ZNF141: variants seen among roughly 807,000 people sequenced by gnomAD.
ZNF141 encodes the protein zinc finger protein 141, also known as zinc finger protein 141 (clone pHZ-44).
ZNF141 carries 7 observed loss-of-function variants against 11.3 expected under a neutral mutation model. The ratio of observed to expected loss-of-function variants is 0.62; its 90% confidence interval spans 0.35 to 1.16. The LOEUF is 1.16. Among genes scored for constraint, ZNF141 ranks in the 50% most tolerant of loss-of-function variants. The probability of loss-of-function intolerance (pLI) is 0.02; values close to 1 mark genes in which losing one functional copy is unlikely to be tolerated. For missense variants in ZNF141, 535 were observed against 554.0 expected, an observed-to-expected ratio of 0.97 and a Z score of 0.34; for synonymous variants, 183 against 190.7, an observed-to-expected ratio of 0.96 and a Z score of 0.33.
At chr4:347,619 G>A (rs181257256) in intron 3 of ZNF141, among the ~76,000 whole-genome samples, 103 of 150,818 alleles carry the variant, frequency 6.8e-4, no homozygotes, top group Admixed American at 1.5e-3. Context: ...GATTACAGGC[G>A]TGAGCCAAGG....
chr4:363,683 G>A (rs1226139297), intron 3 of ZNF141, among the ~76,000 whole-genome samples: 6 of 151,896 alleles, frequency 4.0e-5, no homozygotes, highest in East Asian at 1.9e-4. Context: ...GCATGAACCC[G>A]GGAGGCGGAG....
At position 383,725 on chromosome 4, in the gene ZNF141, C is replaced by G. The variant is rs1421470519; in HGVS notation, c.*9863C>G. On this transcript the variant is annotated 3_prime_UTR_variant, in exon 4 of 4. Transcript: ENST00000240499. ...GTACCAGTTCTCTGATAGAAAAGGACAGTGCCTTGGAGTGGCCGTGGGCCA... is the reference window on the plus strand; with the variant it reads ...GTACCAGTTCTCTGATAGAAAAGGAGAGTGCCTTGGAGTGGCCGTGGGCCA... The G allele has an allele frequency of 2.0e-5, 3 of 152,894 alleles. No homozygotes were observed. The highest frequency in any genetic ancestry group is 1.9e-4 in the East Asian group (1 of 5,196). 9.5% of individuals were successfully genotyped at this position (152,894 alleles called of 1,614,324 possible). A position where few individuals can be genotyped will look rare whatever the true frequency, so the allele number is the denominator to read the frequency against.
At chr4:363,652 G>A (rs1711587861) in intron 3 of ZNF141, among the ~76,000 whole-genome samples, 1 of 152,044 alleles carries the variant, frequency 6.6e-6, no homozygotes, top group Non-Finnish European at 1.5e-5. Flanking sequence ...CAGCTACGCG[G>A]GAGGCTGAGG....
At position 343,792 on chromosome 4, in the gene ZNF141, C is replaced by T; in HGVS notation, c.14C>T (p.Thr5Ile). The change falls in exon 2 of 4, where the codon ACA becomes ATA. Residue 5 changes from threonine to isoleucine, a missense_variant. By Grantham distance (89) the Thr-to-Ile change is moderately conservative. Transcript: ENST00000240499. MELL[T>I]FRDVAIEFSP... ...TATTTGTATTTTCAGGAACTCTTAACATTCAGGGATGTGGCCATAGAATTC... is the reference window on the plus strand; with the variant it reads ...TATTTGTATTTTCAGGAACTCTTAATATTCAGGGATGTGGCCATAGAATTC... The T allele has an allele frequency of 1.5e-6, 2 of 1,359,236 alleles. No individual in the cohort carries two copies. Among genetic ancestry groups the T allele is most frequent in the Non-Finnish European group, 2.0e-6 (2 of 1,001,606 alleles). 84.2% of individuals were successfully genotyped at this position (1,359,236 alleles called of 1,614,324 possible).
chr4:382,081 G>A lies in ZNF141; in HGVS notation c.*8219G>A, dbSNP rs1280366622. On this transcript the variant is annotated 3_prime_UTR_variant, in exon 4 of 4. Coordinates refer to ENST00000240499, the MANE Select transcript of ZNF141 (RefSeq NM_003441.4). Reference sequence around the variant, plus strand: ...CTGCCTCAGCCTCCCAAGTAGCTGGGACTACAGGCACCTGCTACCATGCCC... The same window carrying A: ...CTGCCTCAGCCTCCCAAGTAGCTGGAACTACAGGCACCTGCTACCATGCCC... 6.6e-6 allele frequency among the ~76,000 whole-genome samples: 1 copy of A among 151,632 alleles called. No individual in the cohort carries two copies. Among genetic ancestry groups the A allele is most frequent in the Non-Finnish European group, 1.5e-5 (1 of 67,934 alleles).
In ZNF141 at chr4:373,941, C is replaced by T. The variant is rs539459960; in HGVS notation, c.*79C>T. 100 of 1,274,448 alleles carry T rather than the reference C, an allele frequency of 7.8e-5. 2 individuals are homozygous for T. The South Asian group carries it at 1.4e-3, about 17-fold the overall frequency. The allele number at this position is 1,274,448 out of a possible 1,614,324, so 78.9% of individuals were successfully genotyped here. A position where few individuals can be genotyped will look rare whatever the true frequency, so the allele number is the denominator to read the frequency against. ...CTTAATGAACATGAGAAAATTTATA[C>T]TGTAGAGAAACCCTGGAAATGTGAA... is the stretch of plus-strand genomic sequence containing the variant. On this transcript the variant is annotated 3_prime_UTR_variant, in exon 4 of 4. Transcript: ENST00000240499.
intron 3 of ZNF141, among the ~76,000 whole-genome samples, chr4:349,934 T>G (rs1553850166): frequency 6.6e-6 from 1 of 152,176 alleles, no homozygotes; most frequent in Non-Finnish European, 1.5e-5. Context: ...TCCACACTTT[T>G]CTCTTTGGGT....
At chr4:372,500 G>A (rs1335634209) in intron 3 of ZNF141, among the ~76,000 whole-genome samples, 164 bp from the exon 4 acceptor site, 1 of 152,210 alleles carries the variant, frequency 6.6e-6, no homozygotes, top group Non-Finnish European at 1.5e-5. Flanking sequence ...AGGTGTCTTT[G>A]TTAGTATATG....
At chr4:362,886 T>G (rs1231416923) in intron 3 of ZNF141, among the ~76,000 whole-genome samples, 1 of 152,224 alleles carries the variant, frequency 6.6e-6, no homozygotes, top group African/African-American at 2.4e-5. Context: ...CATATGAACT[T>G]TAAAGTAGTT....
rs1319288645 is a variant in ZNF141 at position 381,637 on chromosome 4, T to A, written c.*7775T>A. Among the ~76,000 whole-genome samples the A allele has an allele frequency of 1.3e-5, 2 of 152,028 alleles. No homozygotes were observed. Among genetic ancestry groups the A allele is most frequent in the Non-Finnish European group, 2.9e-5 (2 of 68,006 alleles). The stretch of plus-strand genomic sequence containing the variant: ...GTTGGCCAGGCTGGTCTCAAACTCC[T>A]GACCTTAAGTGATCCACCCAGTCAG... On this transcript the variant is annotated 3_prime_UTR_variant, in exon 4 of 4. Transcript: ENST00000240499.
Position 375,483 on chromosome 4 carries a change from T to C in ZNF141, c.*1621T>C, listed in dbSNP as rs1254758722. Among the ~76,000 whole-genome samples, 2 of 152,068 alleles carry C rather than the reference T, an allele frequency of 1.3e-5. No homozygotes were observed. Among genetic ancestry groups the C allele is most frequent in the East Asian group, 1.9e-4 (1 of 5,202 alleles). ...TAGATGCAGTAAATGTGAAGAAATA[T>C]TTAGTCTAAAAAGAAGAGTATGTAA... On this transcript the variant is annotated 3_prime_UTR_variant, in exon 4 of 4. Transcript: ENST00000240499.
chr4:372,041 C>G (rs1289121108), intron 3 of ZNF141, among the ~76,000 whole-genome samples: 4 of 152,114 alleles, frequency 2.6e-5, no homozygotes, highest in Non-Finnish European at 5.9e-5. Context: ...AGGATGTGTC[C>G]TCTCTGGAAT....
In ZNF141 at chr4:373,350, C is replaced by G. The variant is rs782807463; in HGVS notation, c.913C>G (p.His305Asp). The stretch of plus-strand genomic sequence containing the variant: ...AAACTTTGCCAAACATAAGCGAATT[C>G]ATACTGGAGAGAAACCCTACAAATG... ...SSNFAKHKRI[H>D]TGEKPYKCEE... The change falls in exon 4 of 4, where the codon CAT (histidine) becomes GAT (aspartate). Residue 305 changes from histidine (H) to aspartate (D), a missense_variant. By Grantham distance (81) the His-to-Asp change is moderately conservative. Transcript: ENST00000240499. 6.2e-7 allele frequency: 1 copy of G among 1,613,976 alleles called. No homozygotes were observed. The highest frequency in any genetic ancestry group is 1.1e-5 in the South Asian group (1 of 91,056).
chr4:373,377 G>A lies in ZNF141; in HGVS notation c.940G>A (p.Glu314Lys). ...TACTGGAGAGAAACCCTACAAATGT[G>A]AAGAATGTGGCAAAGCCTTTAATAG... is the stretch of plus-strand genomic sequence containing the variant. Reference protein sequence around the residue: ...IHTGEKPYKCEECGKAFNRST... With the variant: ...IHTGEKPYKCKECGKAFNRST... The change falls in exon 4 of 4, where the codon GAA becomes AAA. Residue 314 changes from glutamate (E) to lysine (K), a missense_variant. Glu to Lys is a moderately conservative substitution (Grantham distance 56). Transcript: ENST00000240499. 1 of 1,613,818 alleles carries A rather than the reference G, an allele frequency of 6.2e-7. No homozygotes were observed. The highest frequency in any genetic ancestry group is 8.5e-7 in the Non-Finnish European group (1 of 1,179,876).
At chr4:354,675 A>G (rs2108700816) in intron 3 of ZNF141, among the ~76,000 whole-genome samples, 1 of 152,184 alleles carries the variant, frequency 6.6e-6, no homozygotes, top group African/African-American at 2.4e-5. Flanking sequence ...TTTAAAATAT[A>G]AAATATATTA....
At chr4:370,107 C>T (rs1414528334) in intron 3 of ZNF141, among the ~76,000 whole-genome samples, 2 of 152,000 alleles carry the variant, frequency 1.3e-5, no homozygotes, top group African/African-American at 4.8e-5. Context: ...ACTTGAATTG[C>T]ATTTGAAAAT....
Position 374,335 on chromosome 4 carries a change from A to C in ZNF141, c.*473A>C, listed in dbSNP as rs1218276540. 1 of 327,178 alleles carries C rather than the reference A, an allele frequency of 3.1e-6. No homozygotes were observed. The highest frequency in any genetic ancestry group is 6.2e-6 in the Non-Finnish European group (1 of 162,010). 20.3% of individuals were successfully genotyped at this position (327,178 alleles called of 1,614,324 possible). On this transcript the variant is annotated 3_prime_UTR_variant, in exon 4 of 4. Transcript: ENST00000240499. ...GCCTTTAAATGGTCCTCAACCCTTAATGAACGTAAGTGAATTCATGCTGGA... is the reference window on the plus strand; with the variant it reads ...GCCTTTAAATGGTCCTCAACCCTTACTGAACGTAAGTGAATTCATGCTGGA...
chr4:342,557 C>G (rs1191449570), intron 1 of ZNF141, among the ~76,000 whole-genome samples: 1 of 152,092 alleles, frequency 6.6e-6, no homozygotes, highest in Non-Finnish European at 1.5e-5. Context: ...TTCAAACCTG[C>G]AGAATTTTGT....
chr4:356,320 ATTTG>A (rs1277565472), intron 3 of ZNF141, among the ~76,000 whole-genome samples: 15 of 150,574 alleles, frequency 1.0e-4, no homozygotes, highest in Non-Finnish European at 2.1e-4. Flanking sequence ...CTCACTTCTT[ATTTG>A]TTTGTTTGTT....
Sources: allele counts gnomAD v4.1 joint callset (sites outside exome capture counted in the v4.1 genomes callset), GRCh38; gene constraint gnomAD v4.1.1; transcripts MANE v1.5; gene names NCBI Gene and HGNC (gene_info 2026-07-23, HGNC 2026-07-21).